IFI27L1: variants seen among roughly 807,000 people sequenced by gnomAD.
IFI27L1 encodes the protein interferon alpha inducible protein 27 like 1, also known as interferon alpha-inducible protein 27-like protein 1.
A neutral mutation model predicts 9.2 loss-of-function variants in IFI27L1; 3 were observed. The observed-to-expected ratio is 0.32, with a 90% CI of 0.15 to 0.84. IFI27L1 has a LOEUF of 0.84. IFI27L1 is among the 40% of genes least tolerant of loss of function. The pLI, the probability that IFI27L1 is intolerant of heterozygous loss-of-function variation, is 0.56. For synonymous variants in IFI27L1, 53 were observed against 50.0 expected, an observed-to-expected ratio of 1.06 and a Z score of -0.26; for missense variants, 133 against 134.2, an observed-to-expected ratio of 0.99 and a Z score of 0.05.
At chr14:94,101,644 G>A (rs1204482233) in intron 3 of IFI27L1, among the ~76,000 whole-genome samples, 170 bp from the exon 4 acceptor site, 4 of 152,202 alleles carry the variant, frequency 2.6e-5, no homozygotes, top group Non-Finnish European at 2.9e-5. Context: ...CCTGGGAGCC[G>A]GTCCACTGGC....
intron 1 of IFI27L1, among the ~76,000 whole-genome samples, chr14:94,088,502 T>TTCC (rs1555438516): frequency 8.1e-5 from 12 of 148,310 alleles, no homozygotes; most frequent in African/African-American, 3.0e-4. Flanking sequence ...GAACAATCTT[T>TTCC]TTTTTTTTTT....
At chr14:94,089,679 T>TA (rs1207641777) in intron 1 of IFI27L1, among the ~76,000 whole-genome samples, 1 of 152,190 alleles carries the variant, frequency 6.6e-6, no homozygotes. Flanking sequence ...AGCCTTATTT[T>TA]ACCCAGCTCT....
chr14:94,088,972 T>G (rs1467505816), intron 1 of IFI27L1: 1 of 152,234 alleles, frequency 6.6e-6, no homozygotes, highest in Non-Finnish European at 1.5e-5. Flanking sequence ...GATAAATCCA[T>G]TTTTCACCAC....
chr14:94,098,316 G>A (rs536694398), intron 2 of IFI27L1, among the ~76,000 whole-genome samples: 9 of 152,254 alleles, frequency 5.9e-5, no homozygotes, highest in African/African-American at 1.7e-4. Context: ...AGTCTTCGAC[G>A]TCCTTGCCTT....
Position 94,101,975 on chromosome 14 carries a change from G to C in IFI27L1, c.223G>C (p.Gly75Arg). 1 of 1,614,232 alleles carries C rather than the reference G, an allele frequency of 6.2e-7. No homozygotes were observed. Among genetic ancestry groups the C allele is most frequent in the South Asian group, 1.1e-5 (1 of 91,086 alleles). The part of the protein sequence containing the change: ...GSLVAILQSV[G>R]AAGLSVTSKV... ...TCTGGTGGCTATTCTGCAGTCAGTG[G>C]GTGAGTGTTCTGGACAGGATGACCA... Residue 75 changes from glycine to arginine, a missense_variant and splice_region_variant, in exon 4 of 5, where the codon GGG becomes CGG. Transcript: ENST00000555523.
At chr14:94,084,660 C>T (rs911432753) in intron 1 of IFI27L1, among the ~76,000 whole-genome samples, 6 of 152,142 alleles carry the variant, frequency 3.9e-5, no homozygotes, top group African/African-American at 9.7e-5. Context: ...GAAACAAAGA[C>T]AGTTATTCAA....
At chr14:94,095,509 G>C (rs898097190) in intron 1 of IFI27L1, among the ~76,000 whole-genome samples, 1 of 152,140 alleles carries the variant, frequency 6.6e-6, no homozygotes, top group African/African-American at 2.4e-5. Context: ...AAAGAAAAGA[G>C]GTTTATTTGG....
chr14:94,102,579 GA>G lies in IFI27L1; in HGVS notation c.*12del. 1 of 1,491,164 alleles carries G rather than the reference GA, an allele frequency of 6.7e-7. No individual in the cohort carries two copies. The highest frequency in any genetic ancestry group is 9.0e-7 in the Non-Finnish European group (1 of 1,113,008). The allele number at this position is 1,491,164 out of a possible 1,614,324, so 92.4% of individuals were successfully genotyped here. A position where few individuals can be genotyped will look rare whatever the true frequency, so the allele number is the denominator to read the frequency against. ...CCCCCTTCCAGCTGAACACCACACT[GA>G]GGCAGGGAGTTGGCTCTCTTGGTGG... On this transcript the variant is annotated 3_prime_UTR_variant, in exon 5 of 5. Coordinates refer to ENST00000555523, the MANE Select transcript of IFI27L1 (RefSeq NM_206949.3).
At chr14:94,084,990 T>C (rs569647261) in intron 1 of IFI27L1, among the ~76,000 whole-genome samples, 1 of 151,106 alleles carries the variant, frequency 6.6e-6, no homozygotes, top group African/African-American at 2.5e-5. Flanking sequence ...AGCAAGACCC[T>C]GTGTGGGGGA....
intron 1 of IFI27L1, among the ~76,000 whole-genome samples, chr14:94,089,903 G>T (rs1332911285): frequency 2.0e-5 from 3 of 151,840 alleles, no homozygotes; most frequent in Non-Finnish European, 4.4e-5. Context: ...TGTCGGTATG[G>T]CAAGGACCAT....
At chr14:94,084,609 AG>A (rs1452071798) in intron 1 of IFI27L1, among the ~76,000 whole-genome samples, 1 of 152,228 alleles carries the variant, frequency 6.6e-6, no homozygotes, top group African/African-American at 2.4e-5. Flanking sequence ...TTCGTGGGGC[AG>A]GGGGAGATTT....
chr14:94,083,318 C>T (rs1255591192), intron 1 of IFI27L1, among the ~76,000 whole-genome samples: 1 of 152,204 alleles, frequency 6.6e-6, no homozygotes, highest in South Asian at 2.1e-4. Context: ...GAGATACAAT[C>T]TACTCCTGGT....
At chr14:94,087,884 C>T (rs996207492) in intron 1 of IFI27L1, among the ~76,000 whole-genome samples, 20 of 152,148 alleles carry the variant, frequency 1.3e-4, no homozygotes, top group African/African-American at 4.6e-4. Context: ...AATTTCTAAA[C>T]CAAATAAGCT....
rs192876831 is a variant in IFI27L1, at chr14:94,097,774, C to T, written c.28+809C>T. On this transcript the variant is annotated intron_variant, in intron 2 of 4. Coordinates refer to ENST00000555523, the MANE Select transcript of IFI27L1 (RefSeq NM_206949.3). ...CACTTACCCTGAGCTACTGAGAGAACGGGGCTGCCCTTTACAGAGGCTGGG... is the reference window on the plus strand; with the variant it reads ...CACTTACCCTGAGCTACTGAGAGAATGGGGCTGCCCTTTACAGAGGCTGGG... 4.8e-3 allele frequency: 3,294 copies of T among 686,056 alleles called. 82 individuals carry two copies. Among genetic ancestry groups the T allele is most frequent in the South Asian group, 0.042 (2,719 of 64,254 alleles). The allele number at this position is 686,056 out of a possible 1,614,324, so 42.5% of individuals were successfully genotyped here.
Position 94,101,877 on chromosome 14 carries a change from C to A in IFI27L1, c.125C>A (p.Ala42Asp), listed in dbSNP as rs1339561664. 3 of 1,614,148 alleles carry A rather than the reference C, an allele frequency of 1.9e-6. No homozygotes were observed. Among genetic ancestry groups the A allele is most frequent in the Non-Finnish European group, 2.5e-6 (3 of 1,180,054 alleles). ...SAMGFTSVGI[A>D]ASSIAAKMMS... Reference sequence around the variant, plus strand: ...ATGGGCTTCACCTCAGTAGGAATCGCCGCATCCTCCATAGCAGCCAAGATG... The same window carrying A: ...ATGGGCTTCACCTCAGTAGGAATCGACGCATCCTCCATAGCAGCCAAGATG... The change falls in exon 4 of 5, where the codon GCC (alanine) becomes GAC (aspartate). Residue 42 changes from alanine (A) to aspartate (D), a missense_variant. By Grantham distance (126) the Ala-to-Asp change is moderately radical. Transcript: ENST00000555523.
At chr14:94,088,141 C>A in intron 1 of IFI27L1, 3 of 651,136 alleles carry the variant, frequency 4.6e-6, no homozygotes, top group Admixed American at 2.3e-5. Flanking sequence ...CTGAATTGTG[C>A]CAAGCTGACT....
chr14:94,099,487 T>A (rs1886812188), intron 2 of IFI27L1, among the ~76,000 whole-genome samples: 1 of 151,712 alleles, frequency 6.6e-6, no homozygotes, highest in African/African-American at 2.4e-5. Context: ...GAGATTGGAG[T>A]GATGCAGCCA....
intron 1 of IFI27L1, among the ~76,000 whole-genome samples, chr14:94,089,651 T>C (rs1260480743): frequency 1.3e-5 from 2 of 152,206 alleles, no homozygotes; most frequent in African/African-American, 4.8e-5. Context: ...CTCCTGGGAA[T>C]GCAGCCTAGT....
rs1162072994 is a variant in IFI27L1 at position 94,100,388 on chromosome 14, C to T, written c.29-351C>T. 6.1e-6 allele frequency: 6 copies of T among 985,292 alleles called. No homozygotes were observed. The African/African-American group carries it at 7.0e-5, about 11-fold the overall frequency. The allele number at this position is 985,292 out of a possible 1,614,324, so 61.0% of individuals were successfully genotyped here. A position where few individuals can be genotyped will look rare whatever the true frequency, so the allele number is the denominator to read the frequency against. On this transcript the variant is annotated intron_variant, in intron 2 of 4. Coordinates refer to ENST00000555523, the MANE Select transcript of IFI27L1 (RefSeq NM_206949.3). The stretch of plus-strand genomic sequence containing the variant: ...AGCTGCCTAAGCACCCCAGTCCCTG[C>T]CCCCGTGGCAGCCATTGTCAGATGT...
Sources: gnomAD v4.1 joint callset for allele counts (sites outside exome capture counted in the v4.1 genomes callset) on GRCh38, gnomAD v4.1.1 for gene constraint, MANE v1.5 for transcripts, NCBI Gene and HGNC (gene_info 2026-07-23, HGNC 2026-07-21) for gene names.